The following PCDHA9 variants were observed in gnomAD, a reference collection of about 807,000 sequenced individuals.
The protein encoded by PCDHA9 is protocadherin alpha-9.
PCDHA9 carries 62 observed loss-of-function variants against 62.0 expected under a neutral mutation model. The observed-to-expected ratio is 1.00, with a 90% CI of 0.81 to 1.23. The LOEUF (loss-of-function observed/expected upper bound fraction) is 1.23, where lower values mean the gene tolerates loss of function less well. Among genes scored for constraint, PCDHA9 ranks in the 50% most tolerant of loss-of-function variants. PCDHA9 has a pLI of 0.00. For synonymous variants in PCDHA9, 557 were observed against 567.6 expected (o/e 0.98, Z 0.27); for missense variants, 1,205 against 1,249.8 (o/e 0.96, Z 0.54).
chr5:140,873,995 G>A (rs1218409385), intron 1 of PCDHA9, among the ~76,000 whole-genome samples: 9 of 152,284 alleles, frequency 5.9e-5, no homozygotes, highest in African/African-American at 2.2e-4. Context: ...AGCATGTATG[G>A]TACATTGACC....
chr5:140,865,144 T>G (rs2048753153), intron 1 of PCDHA9: 1 of 152,224 alleles, frequency 6.6e-6, no homozygotes, highest in East Asian at 1.9e-4. Context: ...AATTTAACAT[T>G]GTATACTTTT....
rs1554156315 is a variant in PCDHA9 at position 140,862,411 on chromosome 5, A to C, written c.2394+11522A>C. ...CTTCAAGCTGGTGTCTACCTTCAAA[A>C]GGCGCTGCCCAGAAACTATTCGTTG... On this transcript the variant is annotated intron_variant, in intron 1 of 3. Transcript: ENST00000532602. 3 of 349,868 alleles carry C rather than the reference A, an allele frequency of 8.6e-6. No individual in the cohort carries two copies. The Admixed American group carries it at 1.1e-4, about 13-fold the overall frequency. The allele number at this position is 349,868 out of a possible 1,614,324, so 21.7% of individuals were successfully genotyped here.
chr5:140,995,379 G>T (rs1300023701), intron 3 of PCDHA9, among the ~76,000 whole-genome samples: 2 of 152,172 alleles, frequency 1.3e-5, no homozygotes, highest in East Asian at 1.9e-4. Context: ...CACGTACTGG[G>T]CAGGATAAAG....
chr5:140,915,513 A>T (rs2077156707), intron 1 of PCDHA9, among the ~76,000 whole-genome samples: 2 of 152,124 alleles, frequency 1.3e-5, no homozygotes, highest in African/African-American at 2.4e-5. Context: ...GTTTTTGCAG[A>T]CTAGTAGAGG....
intron 1 of PCDHA9, chr5:140,861,573 G>T: frequency 2.7e-6 from 1 of 368,992 alleles, no homozygotes. Context: ...GCTGCTACAG[G>T]TTTTCCATGT....
Position 140,863,355 on chromosome 5 carries a change from G to A in PCDHA9, c.2394+12466G>A, listed in dbSNP as rs541699808. ...TCACGTTGCTGCTGTACACGACGCT[G>A]CGGTGCTTGGCGCAGCTCACCGAGA... On this transcript the variant is annotated intron_variant, in intron 1 of 3. Coordinates refer to ENST00000532602, the MANE Select transcript of PCDHA9 (RefSeq NM_031857.2). 8 of 1,264,220 alleles carry A rather than the reference G, an allele frequency of 6.3e-6. No homozygotes were observed. In the Admixed American group the frequency reaches 1.3e-4, roughly 20 times the overall value. 78.3% of individuals were successfully genotyped at this position (1,264,220 alleles called of 1,614,324 possible).
chr5:140,895,874 C>T (rs1051774060), intron 1 of PCDHA9, among the ~76,000 whole-genome samples: 5 of 152,120 alleles, frequency 3.3e-5, no homozygotes, highest in Admixed American at 2.6e-4. Context: ...TGCAATGGCG[C>T]GATCTCGGCT....
rs112377727 is a variant in PCDHA9, at chr5:140,875,811, G to T, written c.2394+24922G>T. The T allele has an allele frequency of 3.6e-4, 584 of 1,614,186 alleles. 8 individuals are homozygous for T. Among genetic ancestry groups the T allele is most frequent in the South Asian group, 3.4e-3 (314 of 91,084 alleles). On this transcript the variant is annotated intron_variant, in intron 1 of 3. Coordinates refer to ENST00000532602, the MANE Select transcript of PCDHA9 (RefSeq NM_031857.2). ...ACCTGGAGGTGATCGTGGACAGGCC[G>T]CTGCAGGTTTTCCATGTGGACGTGG...
chr5:140,980,724 T>G (rs2096903192), intron 2 of PCDHA9, among the ~76,000 whole-genome samples: 1 of 152,176 alleles, frequency 6.6e-6, no homozygotes, highest in Non-Finnish European at 1.5e-5. Flanking sequence ...GGGTTTCAAT[T>G]AAGATATTAT....
chr5:140,869,511 A>G, intron 1 of PCDHA9: 1 of 1,614,194 alleles, frequency 6.2e-7, no homozygotes, highest in Non-Finnish European at 8.5e-7. Context: ...TCTCGCTCAG[A>G]GAACAAAAGC....
chr5:140,943,257 CAAA>C (rs1238620023), intron 1 of PCDHA9, among the ~76,000 whole-genome samples: 2 of 77,570 alleles, frequency 2.6e-5, no homozygotes. Flanking sequence ...GACTCTGTCT[CAAA>C]AAAAAAAAAA....
Position 140,849,743 on chromosome 5 carries a change from G to C in PCDHA9, c.1248G>C (p.Glu416Asp). The C allele has an allele frequency of 1.9e-6, 3 of 1,598,504 alleles. No individual in the cohort carries two copies. The highest frequency in any genetic ancestry group is 2.6e-6 in the Non-Finnish European group (3 of 1,168,014). The change falls in exon 1 of 4, where the codon GAG becomes GAC. Residue 416 changes from glutamate (E) to aspartate (D), a missense_variant. By Grantham distance (45) the Glu-to-Asp change is conservative. Around this residue, in one of 3 missense-constraint regions of PCDHA9, gnomAD observed 887 missense variants for 809.5 expected, o/e 1.10. Transcript: ENST00000532602. ...TGCTGGACAGAGCTCTGGACCGCGA[G>C]AGTGTGTCCGCCTACGAGCTGGTGG... ...SLVLDRALDR[E>D]SVSAYELVVT...
intron 1 of PCDHA9, chr5:140,883,045 A>G: frequency 1.2e-6 from 2 of 1,614,190 alleles, no homozygotes; most frequent in Non-Finnish European, 1.7e-6. Context: ...TCAATGGAAC[A>G]TTAGTGATCA....
At chr5:140,988,007 A>G (rs2097277966) in intron 3 of PCDHA9, among the ~76,000 whole-genome samples, 1 of 152,230 alleles carries the variant, frequency 6.6e-6, no homozygotes, top group Non-Finnish European at 1.5e-5. Context: ...TTCCCCAGAA[A>G]GAAAGCATGA....
chr5:140,918,429 G>A (rs2078693094), intron 1 of PCDHA9, among the ~76,000 whole-genome samples: 1 of 152,164 alleles, frequency 6.6e-6, no homozygotes, highest in Non-Finnish European at 1.5e-5. Flanking sequence ...GTAGGATGTT[G>A]AATAGGAGTG....
At position 141,009,895 on chromosome 5, in the gene PCDHA9, A is replaced by G; in HGVS notation, c.2811A>G (p.Lys937=). ...AGAAGGGTAACAAGACCCAGGAGAA[A>G]AAAGAGAAAGGGAACAGCACGACTG... ...KKKKGNKTQE[K]KEKGNSTTDN... The change falls in exon 4 of 4, where the codon AAA becomes AAG. Residue 937 remains lysine (K), a synonymous_variant. Coordinates refer to ENST00000532602, the MANE Select transcript of PCDHA9 (RefSeq NM_031857.2). 2 of 1,613,224 alleles carry G rather than the reference A, an allele frequency of 1.2e-6. No homozygotes were observed. Among genetic ancestry groups the G allele is most frequent in the Non-Finnish European group, 1.7e-6 (2 of 1,179,866 alleles).
chr5:140,929,681 AAG>A, intron 1 of PCDHA9: 1 of 302,408 alleles, frequency 3.3e-6, no homozygotes, highest in Non-Finnish European at 6.3e-6. Flanking sequence ...AAAAATATGT[AAG>A]AGTCTGCTTT....
Position 140,972,800 on chromosome 5 carries a change from A to G in PCDHA9, c.2395-6149A>G, listed in dbSNP as rs937312575. ...TGCCTCAGCCTCCTGAGTAGCTGAGATTACAGGCACGCGCCACCACGCCTG... is the reference window on the plus strand; with the variant it reads ...TGCCTCAGCCTCCTGAGTAGCTGAGGTTACAGGCACGCGCCACCACGCCTG... On this transcript the variant is annotated intron_variant, in intron 1 of 3. Transcript: ENST00000532602. Among the ~76,000 whole-genome samples, 8 of 151,520 alleles carry G rather than the reference A, an allele frequency of 5.3e-5. No individual in the cohort carries two copies. In the South Asian group the frequency reaches 6.3e-4, roughly 12 times the overall value.
intron 1 of PCDHA9, chr5:140,856,946 G>T: frequency 6.3e-7 from 1 of 1,593,334 alleles, no homozygotes; most frequent in East Asian, 2.2e-5. Context: ...AAGGACGGGA[G>T]AAATAAAAGT....
Sources: gnomAD v4.1 joint callset for allele counts (sites outside exome capture counted in the v4.1 genomes callset) on GRCh38, gnomAD v4.1.1 for gene constraint, gnomAD v4.1.1 regional missense constraint, MANE v1.5 for transcripts, NCBI Gene and HGNC (gene_info 2026-07-23, HGNC 2026-07-21) for gene names.